DIS3L2: variants seen among roughly 807,000 people sequenced by gnomAD.
DIS3L2 encodes the protein DIS3-like exonuclease 2.
Under a neutral mutation model 97.5 loss-of-function variants are expected in DIS3L2, and 34 were observed. That is an observed-to-expected ratio of 0.35 (90% CI 0.27 to 0.46). DIS3L2 has a LOEUF of 0.46. DIS3L2 is among the 20% of genes least tolerant of loss of function. DIS3L2 has a pLI of 1.00. For missense variants in DIS3L2, 1,038 were observed against 1,146.0 expected (o/e 0.91, Z 1.36); for synonymous variants, 435 against 445.2 (o/e 0.98, Z 0.29).
intron 13 of DIS3L2, among the ~76,000 whole-genome samples, chr2:232,270,868 C>CTCTCTCTCTCTCTCTT: frequency 2.3e-5 from 1 of 42,818 alleles, no homozygotes; most frequent in East Asian, 2.8e-4. Context: ...TCGTCTCTCT[C>CTCTCTCTCTCTCTCTT]TCTCTCTCTC....
chr2:231,998,419 T>A (rs1373011011), intron 1 of DIS3L2, among the ~76,000 whole-genome samples: 1 of 152,220 alleles, frequency 6.6e-6, no homozygotes, highest in Non-Finnish European at 1.5e-5. Context: ...ACCATTACAA[T>A]GACAATTAAA....
At position 231,962,251 on chromosome 2, in the gene DIS3L2, A is replaced by G. The variant is rs574945864; in HGVS notation, c.-94+486A>G. Among the ~76,000 whole-genome samples, 12 of 150,282 alleles carry G rather than the reference A, an allele frequency of 8.0e-5. No individual in the cohort carries two copies. In the South Asian group the frequency reaches 2.6e-3, roughly 32 times the overall value. ...TGCGCTTTCCACAGTGATACACTTT[A>G]TCTCCTTTATTGATCATAGAGAGTT... On this transcript the variant is annotated intron_variant, in intron 1 of 20. Coordinates refer to ENST00000325385, the MANE Select transcript of DIS3L2 (RefSeq NM_152383.5).
intron 9 of DIS3L2, among the ~76,000 whole-genome samples, chr2:232,207,567 A>G (rs1692064450): frequency 6.6e-6 from 1 of 152,166 alleles, no homozygotes; most frequent in African/African-American, 2.4e-5. Flanking sequence ...TTCAACCTTC[A>G]TGTTGCCTAC....
chr2:232,128,158 G>C (rs1031917443), intron 6 of DIS3L2, among the ~76,000 whole-genome samples: 2 of 151,898 alleles, frequency 1.3e-5, no homozygotes, highest in African/African-American at 4.8e-5. Flanking sequence ...GTTTTGCCAT[G>C]TTGCCCAGGC....
intron 14 of DIS3L2, among the ~76,000 whole-genome samples, chr2:232,310,336 G>A (rs1274303188): frequency 1.3e-5 from 2 of 152,188 alleles, no homozygotes; most frequent in Admixed American, 1.3e-4. Context: ...TGTGCACGTG[G>A]GAGTCAGCCA....
rs148306911 is a variant in DIS3L2, at chr2:232,332,485, C to G, written c.2011-1355C>G. On this transcript the variant is annotated intron_variant, in intron 16 of 20. Transcript: ENST00000325385. The stretch of plus-strand genomic sequence containing the variant: ...ATACAGGCGTGACCTTGGACCTCTG[C>G]GAGGAACCCGTTCACTCGCTCCCAG... Among the ~76,000 whole-genome samples the G allele has an allele frequency of 3.3e-5, 5 of 151,590 alleles. No individual in the cohort carries two copies. In the South Asian group the frequency reaches 8.3e-4, roughly 25 times the overall value.
At chr2:232,002,191 T>C (rs1302686394) in intron 1 of DIS3L2, among the ~76,000 whole-genome samples, 1 of 152,180 alleles carries the variant, frequency 6.6e-6, no homozygotes, top group Non-Finnish European at 1.5e-5. Context: ...GTAAATGTGC[T>C]TTTTTATTTC....
chr2:232,217,469 G>GAGAT (rs1692372190), intron 10 of DIS3L2, among the ~76,000 whole-genome samples: 1 of 152,186 alleles, frequency 6.6e-6, no homozygotes, highest in Non-Finnish European at 1.5e-5. Flanking sequence ...TCTCCGCCTG[G>GAGAT]AGATAGCATC....
intron 5 of DIS3L2, among the ~76,000 whole-genome samples, chr2:232,075,755 C>T (rs752798242): frequency 1.3e-5 from 2 of 152,148 alleles, no homozygotes; most frequent in Non-Finnish European, 2.9e-5. Context: ...ACCCTTCCTT[C>T]CCCTTCCCCT....
intron 13 of DIS3L2, among the ~76,000 whole-genome samples, chr2:232,284,254 C>G (rs182041104): frequency 1.3e-5 from 2 of 152,226 alleles, no homozygotes; most frequent in East Asian, 3.9e-4. Flanking sequence ...GCTCTCTCGA[C>G]TTATGGGAAA....
chr2:232,182,612 G>GT (rs1368851034), intron 9 of DIS3L2, among the ~76,000 whole-genome samples: 1 of 152,078 alleles, frequency 6.6e-6, no homozygotes, highest in Non-Finnish European at 1.5e-5. Flanking sequence ...AGATGCATGT[G>GT]TGTTTATAAT....
At chr2:232,177,008 A>C (rs888858940) in intron 9 of DIS3L2, among the ~76,000 whole-genome samples, 1 of 134,572 alleles carries the variant, frequency 7.4e-6, no homozygotes, top group African/African-American at 2.8e-5. Context: ...TCCTGTGTCC[A>C]TGTGATCTCA....
At chr2:232,106,484 T>A (rs1697360567) in intron 6 of DIS3L2, among the ~76,000 whole-genome samples, 1 of 152,058 alleles carries the variant, frequency 6.6e-6, no homozygotes, top group Admixed American at 6.5e-5. Context: ...TACATAATGG[T>A]AAAGGGTTCA....
chr2:232,238,582 G>T lies in DIS3L2; in HGVS notation c.1254G>T (p.Pro418=), dbSNP rs764213505. 6.2e-7 allele frequency: 1 copy of T among 1,614,190 alleles called. No individual in the cohort carries two copies. Among genetic ancestry groups the T allele is most frequent in the Non-Finnish European group, 8.5e-7 (1 of 1,180,024 alleles). Residue 418 remains proline (P), a synonymous_variant, in exon 11 of 21, where the codon CCG becomes CCT. Coordinates refer to ENST00000325385, the MANE Select transcript of DIS3L2 (RefSeq NM_152383.5). ...TTGCTGACGTGAGTTACTTTGTTCC[G>T]GAGGGATCTGATCTGGATAAAGTGG... ...VHIADVSYFV[P]EGSDLDKVAA...
intron 5 of DIS3L2, among the ~76,000 whole-genome samples, chr2:232,064,360 AT>A (rs1048119260): frequency 1.3e-5 from 2 of 152,140 alleles, no homozygotes; most frequent in African/African-American, 4.8e-5. Flanking sequence ...CGCATGTGAA[AT>A]TTATCCATGT....
chr2:232,167,023 A>C (rs1690844565), intron 9 of DIS3L2, among the ~76,000 whole-genome samples: 1 of 152,172 alleles, frequency 6.6e-6, no homozygotes, highest in Admixed American at 6.5e-5. Flanking sequence ...AAAAAAAAAA[A>C]AATTACTTTA....
At chr2:232,245,512 C>G (rs1423711997) in intron 11 of DIS3L2, among the ~76,000 whole-genome samples, 2 of 152,170 alleles carry the variant, frequency 1.3e-5, no homozygotes, top group South Asian at 4.1e-4. Context: ...CCTCTTAATT[C>G]CTTTTCCTTT....
At chr2:232,195,551 CGGTGG>C (rs1384064213) in intron 9 of DIS3L2, among the ~76,000 whole-genome samples, 40 of 2,566 alleles carry the variant, frequency 0.016, no homozygotes, top group Middle Eastern at 0.045. Flanking sequence ...GGGTGGGGTG[CGGTGG>C]GGTGGGGTGG....
At chr2:232,009,286 T>C (rs1160404405) in intron 1 of DIS3L2, among the ~76,000 whole-genome samples, 1 of 152,230 alleles carries the variant, frequency 6.6e-6, no homozygotes, top group Admixed American at 6.5e-5. Flanking sequence ...GCATATCTTA[T>C]GAAAACTGGA....
Sources: gnomAD v4.1 joint callset for allele counts (sites outside exome capture counted in the v4.1 genomes callset) on GRCh38, gnomAD v4.1.1 for gene constraint, MANE v1.5 for transcripts, NCBI Gene and HGNC (gene_info 2026-07-23, HGNC 2026-07-21) for gene names.